The following FGF10 variants were observed in gnomAD, a reference collection of about 807,000 sequenced individuals.
FGF10 encodes FGF-10.
Under a neutral mutation model 19.8 loss-of-function variants are expected in FGF10, and 2 were observed. The observed-to-expected ratio is 0.10, with a 90% confidence interval of 0.04 to 0.32. The LOEUF is 0.32. Among genes scored for constraint, FGF10 ranks in the 10% least tolerant of loss-of-function variants. FGF10 has a pLI of 1.00. For synonymous variants in FGF10, 112 were observed against 94.0 expected (o/e 1.19, Z -1.10); for missense variants, 191 against 246.3 (o/e 0.78, Z 1.50).
rs1041037185 is a variant in FGF10, at chr5:44,389,165, C to A, written c.-483G>T. ...GTTGGCACCTTCTGGTCTCTCTCTG[C>A]GGAGCCCCAGCCTGCGAGCCACTTC... is the stretch of plus-strand genomic sequence containing the variant. On this transcript the variant is annotated 5_prime_UTR_variant, in exon 1 of 3. Transcript: ENST00000264664. 23 of 218,142 alleles carry A rather than the reference C, an allele frequency of 1.1e-4. No individual in the cohort carries two copies. The highest frequency in any genetic ancestry group is 2.0e-4 in the Non-Finnish European group (21 of 106,692). 13.5% of individuals were successfully genotyped at this position (218,142 alleles called of 1,614,324 possible). A position where few individuals can be genotyped will look rare whatever the true frequency, so the allele number is the denominator to read the frequency against.
rs539597119 is a variant in FGF10 at position 44,388,967 on chromosome 5, G to T, written c.-285C>A. ...AGCAGGAGCTGGTGGTGGCGTTGGT[G>T]GTGTTGGTCACCAGCGCTCTTCGCT... On this transcript the variant is annotated 5_prime_UTR_variant, in exon 1 of 3. Transcript: ENST00000264664. 7.3e-6 allele frequency: 4 copies of T among 547,692 alleles called. No individual in the cohort carries two copies. The highest frequency in any genetic ancestry group is 1.3e-5 in the Non-Finnish European group (4 of 303,634). 33.9% of individuals were successfully genotyped at this position (547,692 alleles called of 1,614,324 possible).
chr5:44,310,475 G>A lies in FGF10; in HGVS notation c.381C>T (p.Asn127=). The A allele has an allele frequency of 6.2e-7, 1 of 1,612,720 alleles. No individual in the cohort carries two copies. The highest frequency in any genetic ancestry group is 8.5e-7 in the Non-Finnish European group (1 of 1,179,104). The change falls in exon 2 of 3, where the codon AAC becomes AAT. Residue 127 remains asparagine, a synonymous_variant. Coordinates refer to ENST00000264664, the MANE Select transcript of FGF10 (RefSeq NM_004465.2). The part of the protein sequence containing the change: ...EIGVVAVKAI[N]SNYYLAMNKK... Reference sequence around the variant, plus strand: ...TGTTCATGGCTAAGTAATAGTTGCTGTTAATGGCTTTGACGGCAACAACTC... The same window carrying A: ...TGTTCATGGCTAAGTAATAGTTGCTATTAATGGCTTTGACGGCAACAACTC...
intron 1 of FGF10, among the ~76,000 whole-genome samples, chr5:44,354,550 C>A (rs969976734): frequency 5.3e-5 from 8 of 151,330 alleles, no homozygotes; most frequent in African/African-American, 1.9e-4. Context: ...ATTGTTACAG[C>A]AGAACCATAA....
At chr5:44,344,836 A>C (rs1368725028) in intron 1 of FGF10, among the ~76,000 whole-genome samples, 3 of 151,826 alleles carry the variant, frequency 2.0e-5, no homozygotes, top group African/African-American at 7.3e-5. Context: ...CATTTGAAAA[A>C]ATAACTTTTC....
intron 1 of FGF10, among the ~76,000 whole-genome samples, chr5:44,327,392 A>G (rs1740639479): frequency 6.6e-6 from 1 of 152,082 alleles, no homozygotes; most frequent in African/African-American, 2.4e-5. Context: ...ACCACAACAA[A>G]AGCCAAGGAC....
chr5:44,380,818 A>C (rs1007109368), intron 1 of FGF10, among the ~76,000 whole-genome samples: 2 of 152,126 alleles, frequency 1.3e-5, no homozygotes, highest in African/African-American at 2.4e-5. Context: ...CTGTCTCTAC[A>C]AAACGAACAA....
intron 1 of FGF10, among the ~76,000 whole-genome samples, chr5:44,328,081 TG>T (rs1431829676): frequency 1.3e-5 from 2 of 152,230 alleles, no homozygotes; most frequent in Non-Finnish European, 2.9e-5. Flanking sequence ...TTTCATGTTT[TG>T]TTTTGTTTTT....
chr5:44,378,912 C>CT (rs1325591564), intron 1 of FGF10, among the ~76,000 whole-genome samples: 1 of 152,104 alleles, frequency 6.6e-6, no homozygotes, highest in Non-Finnish European at 1.5e-5. Flanking sequence ...TTGATTAAGG[C>CT]TTATGATGTG....
chr5:44,311,216 T>A (rs985560741), intron 1 of FGF10, among the ~76,000 whole-genome samples: 2 of 151,148 alleles, frequency 1.3e-5, no homozygotes, highest in African/African-American at 4.9e-5. Context: ...TCGAGGGAAG[T>A]AGTAAGAGGT....
chr5:44,316,565 C>T (rs919774672), intron 1 of FGF10, among the ~76,000 whole-genome samples: 1 of 152,122 alleles, frequency 6.6e-6, no homozygotes, highest in African/African-American at 2.4e-5. Flanking sequence ...GGACCACACA[C>T]TGTTCTATAC....
intron 2 of FGF10, 149 bp downstream of exon 2, chr5:44,310,278 A>G: frequency 1.5e-6 from 1 of 651,804 alleles, no homozygotes. Context: ...CTGCTTTGCC[A>G]GCCCTTGAAA....
chr5:44,327,298 A>C (rs1579907671), intron 1 of FGF10, among the ~76,000 whole-genome samples: 1 of 152,190 alleles, frequency 6.6e-6, no homozygotes, highest in African/African-American at 2.4e-5. Flanking sequence ...CTTGTATGCT[A>C]TAGGAAGAGA....
chr5:44,337,605 AAAT>A (rs1217143840), intron 1 of FGF10, among the ~76,000 whole-genome samples: 1 of 152,220 alleles, frequency 6.6e-6, no homozygotes, highest in Non-Finnish European at 1.5e-5. Flanking sequence ...CACTATTAGA[AAAT>A]AAAATGGTCA....
rs902646196 is a variant in FGF10, at chr5:44,301,874, A to AT, written c.*3120dup. ...AATATTTTAATTTTCTTTTCCCAAC[A>AT]TTTTTATTGTTTTTATTTAAATGTA... On this transcript the variant is annotated 3_prime_UTR_variant, in exon 3 of 3. Coordinates refer to ENST00000264664, the MANE Select transcript of FGF10 (RefSeq NM_004465.2). Among the ~76,000 whole-genome samples the AT allele has an allele frequency of 2.6e-5, 4 of 152,160 alleles. No individual in the cohort carries two copies. Among genetic ancestry groups the AT allele is most frequent in the African/African-American group, 9.6e-5 (4 of 41,516 alleles).
chr5:44,356,168 A>G (rs1741341768), intron 1 of FGF10, among the ~76,000 whole-genome samples: 1 of 151,482 alleles, frequency 6.6e-6, no homozygotes, highest in Non-Finnish European at 1.5e-5. Context: ...ACCATTAGCA[A>G]TTCAGTTGAG....
Position 44,301,147 on chromosome 5 carries a change from GAA to G in FGF10, c.*3846_*3847del, listed in dbSNP as rs925788111. ...TTTATTTTTTTTTCAGTTTAAGTTG[GAA>G]AAGTCCTGCTTCATGAAATAAACAA... On this transcript the variant is annotated 3_prime_UTR_variant, in exon 3 of 3. Coordinates refer to ENST00000264664, the MANE Select transcript of FGF10 (RefSeq NM_004465.2). 2.6e-5 allele frequency among the ~76,000 whole-genome samples: 4 copies of G among 151,634 alleles called. No individual in the cohort carries two copies. Among genetic ancestry groups the G allele is most frequent in the Admixed American group, 2.6e-4 (4 of 15,210 alleles).
intron 1 of FGF10, among the ~76,000 whole-genome samples, chr5:44,325,148 T>C (rs900014543): frequency 6.6e-5 from 10 of 152,198 alleles, no homozygotes; most frequent in Non-Finnish European, 1.2e-4. Flanking sequence ...TCATCATCAC[T>C]GGCCATCAGA....
In FGF10 at chr5:44,304,194, T is replaced by C. The variant is rs1004459465; in HGVS notation, c.*801A>G. 3 of 152,224 alleles carry C rather than the reference T, an allele frequency of 2.0e-5. No individual in the cohort carries two copies. Among genetic ancestry groups the C allele is most frequent in the African/African-American group, 7.2e-5 (3 of 41,462 alleles). The allele number at this position is 152,224 out of a possible 1,614,324, so 9.4% of individuals were successfully genotyped here. On this transcript the variant is annotated 3_prime_UTR_variant, in exon 3 of 3. Coordinates refer to ENST00000264664, the MANE Select transcript of FGF10 (RefSeq NM_004465.2). ...TCAACTGATAGCACACGGGCACTCA[T>C]ACTGCTTCCCTAATCCCAACTCCTA...
chr5:44,378,711 T>G (rs1741921535), intron 1 of FGF10, among the ~76,000 whole-genome samples: 1 of 152,124 alleles, frequency 6.6e-6, no homozygotes, highest in Non-Finnish European at 1.5e-5. Flanking sequence ...GATTACAGGG[T>G]CAGCCACTGC....
Sources: gnomAD v4.1 joint callset for allele counts (sites outside exome capture counted in the v4.1 genomes callset) on GRCh38, gnomAD v4.1.1 for gene constraint, MANE v1.5 for transcripts, NCBI Gene and HGNC (gene_info 2026-07-23, HGNC 2026-07-21) for gene names.